Variants in MECOM observed in about 807,000 individuals in gnomAD.
MECOM encodes MDS1 and EVI1 complex locus, also known as histone-lysine N-methyltransferase MECOM.
MECOM carries 13 observed loss-of-function variants against 116.3 expected under a neutral mutation model. That is an observed-to-expected ratio of 0.11 (90% confidence interval 0.07 to 0.18). MECOM has a LOEUF of 0.18. Among genes scored for constraint, MECOM ranks in the 10% least tolerant of loss-of-function variants. MECOM has a pLI of 1.00. For synonymous variants in MECOM, 528 were observed against 535.2 expected, an observed-to-expected ratio of 0.99 and a Z score of 0.19; for missense variants, 1,299 against 1,509.0, an observed-to-expected ratio of 0.86 and a Z score of 2.31.
chr3:169,449,340 A>AT (rs530909533), intron 1 of MECOM, among the ~76,000 whole-genome samples: 2 of 152,126 alleles, frequency 1.3e-5, no homozygotes, highest in Non-Finnish European at 2.9e-5. Context: ...AGCTCAGGTT[A>AT]TTTTTTACAC....
chr3:169,571,573 G>A (rs996099369), intron 1 of MECOM, among the ~76,000 whole-genome samples: 2 of 152,056 alleles, frequency 1.3e-5, no homozygotes, highest in East Asian at 1.9e-4. Context: ...GAGGCATCAC[G>A]CTACCTGACT....
chr3:169,465,024 T>TA (rs1191333126), intron 1 of MECOM, among the ~76,000 whole-genome samples: 14 of 152,146 alleles, frequency 9.2e-5, no homozygotes, highest in Non-Finnish European at 2.1e-4. Context: ...TTTTTTCTTT[T>TA]AAAAATCTTA....
At chr3:169,524,852 G>A (rs534479023) in intron 1 of MECOM, among the ~76,000 whole-genome samples, 1 of 152,118 alleles carries the variant, frequency 6.6e-6, no homozygotes, top group Non-Finnish European at 1.5e-5. Flanking sequence ...TAAAAAATGA[G>A]TATCAGAAAT....
At chr3:169,610,571 G>A (rs76839368) in intron 1 of MECOM, among the ~76,000 whole-genome samples, 44 of 151,882 alleles carry the variant, frequency 2.9e-4, no homozygotes, top group African/African-American at 7.2e-4. Flanking sequence ...GCACAGAGGC[G>A]TCAAACAATT....
chr3:169,295,858 A>G (rs1165640738), intron 2 of MECOM, among the ~76,000 whole-genome samples: 1 of 152,242 alleles, frequency 6.6e-6, no homozygotes, highest in Non-Finnish European at 1.5e-5. Flanking sequence ...AACAAGTATT[A>G]CAATCACAAG....
intron 1 of MECOM, among the ~76,000 whole-genome samples, chr3:169,600,814 A>G (rs1560480627): frequency 6.6e-6 from 1 of 152,362 alleles, no homozygotes; most frequent in East Asian, 1.9e-4. Flanking sequence ...GAGCTCCAAG[A>G]CACAATGGCT....
intron 1 of MECOM, among the ~76,000 whole-genome samples, chr3:169,627,877 G>A (rs1771572383): frequency 6.6e-6 from 1 of 152,212 alleles, no homozygotes; most frequent in South Asian, 2.1e-4. Flanking sequence ...AGTTCTGTGA[G>A]CAAGTGGATA....
At chr3:169,102,531 T>C (rs1723956234) in intron 10 of MECOM, among the ~76,000 whole-genome samples, 1 of 152,218 alleles carries the variant, frequency 6.6e-6, no homozygotes, top group South Asian at 2.1e-4. Context: ...TAAAGCCAAG[T>C]TAACTTTTTA....
chr3:169,377,291 C>A (rs903133059), intron 2 of MECOM, among the ~76,000 whole-genome samples: 1 of 152,048 alleles, frequency 6.6e-6, no homozygotes, highest in South Asian at 2.1e-4. Context: ...ACTAAAGCAC[C>A]AAAAGCAATG....
chr3:169,648,720 T>C (rs1202729122), intron 1 of MECOM, among the ~76,000 whole-genome samples: 1 of 152,232 alleles, frequency 6.6e-6, no homozygotes, highest in Non-Finnish European at 1.5e-5. Context: ...TTCTGTTTCA[T>C]GAACAAGAAA....
intron 2 of MECOM, among the ~76,000 whole-genome samples, chr3:169,356,982 A>G (rs1447853920): frequency 6.6e-6 from 1 of 151,844 alleles, no homozygotes; most frequent in Non-Finnish European, 1.5e-5. Context: ...TAAAGAGAAA[A>G]ATGATCACAG....
intron 1 of MECOM, among the ~76,000 whole-genome samples, chr3:169,432,006 T>C (rs1343214852): frequency 6.6e-6 from 1 of 152,058 alleles, no homozygotes; most frequent in Admixed American, 6.6e-5. Context: ...TCACCTTTTT[T>C]TTTTTCACAT....
At chr3:169,404,286 T>C (rs1736316807) in intron 1 of MECOM, among the ~76,000 whole-genome samples, 2 of 151,994 alleles carry the variant, frequency 1.3e-5, no homozygotes, top group African/African-American at 2.4e-5. Flanking sequence ...CTGCAAAATA[T>C]GCACACACAC....
At chr3:169,323,342 T>C (rs1721251793) in intron 2 of MECOM, among the ~76,000 whole-genome samples, 1 of 152,120 alleles carries the variant, frequency 6.6e-6, no homozygotes, top group Non-Finnish European at 1.5e-5. Flanking sequence ...ATTTGGGAGT[T>C]CCATGTGGTA....
At chr3:169,282,003 C>A (rs1404854638) in intron 2 of MECOM, among the ~76,000 whole-genome samples, 1 of 152,138 alleles carries the variant, frequency 6.6e-6, no homozygotes, top group Non-Finnish European at 1.5e-5. Context: ...ATCCTCCTCT[C>A]TACTGAAACA....
At chr3:169,519,771 A>G (rs1757130893) in intron 1 of MECOM, among the ~76,000 whole-genome samples, 1 of 152,230 alleles carries the variant, frequency 6.6e-6, no homozygotes, top group Admixed American at 6.5e-5. Flanking sequence ...CACTAAAACA[A>G]ATGCTCTTGA....
At position 169,607,314 on chromosome 3, in the gene MECOM, A is replaced by G. The variant is rs547174418; in HGVS notation, c.37+56022T>C. 9.5e-4 allele frequency among the ~76,000 whole-genome samples: 144 copies of G among 152,348 alleles called. 3 individuals are homozygous for G. The highest frequency in any genetic ancestry group is 3.2e-3 in the African/African-American group (134 of 41,596). ...CAACAGACAAAGCACATAATATGAA[A>G]TAAAACTCATGCCATGTGGCTTTTT... On this transcript the variant is annotated intron_variant, in intron 1 of 16. Coordinates refer to ENST00000651503, the MANE Select transcript of MECOM (RefSeq NM_004991.4).
At chr3:169,500,159 A>G (rs1337446505) in intron 1 of MECOM, among the ~76,000 whole-genome samples, 1 of 152,116 alleles carries the variant, frequency 6.6e-6, no homozygotes, top group Non-Finnish European at 1.5e-5. Flanking sequence ...CCTATTTATT[A>G]GATCATAAAA....
intron 1 of MECOM, among the ~76,000 whole-genome samples, chr3:169,401,616 A>G (rs1206165715): frequency 6.6e-6 from 1 of 152,204 alleles, no homozygotes; most frequent in East Asian, 1.9e-4. Context: ...AGAAATGGCT[A>G]GGGAAGGCTG....
Sources: gnomAD v4.1 joint callset for allele counts (sites outside exome capture counted in the v4.1 genomes callset) on GRCh38, gnomAD v4.1.1 for gene constraint, MANE v1.5 for transcripts, NCBI Gene and HGNC (gene_info 2026-07-23, HGNC 2026-07-21) for gene names.